The following PLPPR1 variants were observed in gnomAD, a reference collection of about 807,000 sequenced individuals.
PLPPR1 encodes phospholipid phosphatase-related protein type 1.
A neutral mutation model predicts 33.1 loss-of-function variants in PLPPR1; 10 were observed. The observed-to-expected ratio is 0.30, with a 90% CI of 0.19 to 0.51. PLPPR1 has a LOEUF of 0.51. Among genes scored for constraint, PLPPR1 ranks in the 20% least tolerant of loss-of-function variants. The probability of loss-of-function intolerance (pLI) is 0.97; values close to 1 mark genes in which losing one functional copy is unlikely to be tolerated. For synonymous variants in PLPPR1, 151 were observed against 151.0 expected (o/e 1.00, Z 0.00); for missense variants, 304 against 408.1 (o/e 0.74, Z 2.20).
chr9:101,294,705 A>C (rs1007363414), intron 4 of PLPPR1, among the ~76,000 whole-genome samples: 8 of 152,344 alleles, frequency 5.3e-5, no homozygotes, highest in African/African-American at 1.9e-4. Flanking sequence ...CAAAAACCAC[A>C]TGATTATCTC....
chr9:101,072,620 G>A (rs1830494147), intron 1 of PLPPR1, among the ~76,000 whole-genome samples: 1 of 152,154 alleles, frequency 6.6e-6, no homozygotes, highest in African/African-American at 2.4e-5. Flanking sequence ...TGGGCAAGTG[G>A]AATTGGCAGT....
chr9:101,277,031 C>A (rs1445026143), intron 3 of PLPPR1, among the ~76,000 whole-genome samples: 1 of 152,144 alleles, frequency 6.6e-6, no homozygotes, highest in Non-Finnish European at 1.5e-5. Context: ...CAGCACTCAT[C>A]AGGAAAGATT....
chr9:101,190,410 G>A (rs1826276725), intron 2 of PLPPR1, among the ~76,000 whole-genome samples: 1 of 152,072 alleles, frequency 6.6e-6, no homozygotes, highest in South Asian at 2.1e-4. Context: ...ATCTCACTAA[G>A]TTCTTCATAG....
intron 1 of PLPPR1, among the ~76,000 whole-genome samples, chr9:101,181,923 G>GTA (rs968953349): frequency 1.8e-4 from 27 of 147,660 alleles, no homozygotes; most frequent in Admixed American, 6.8e-4. Context: ...GTGTGTATGT[G>GTA]TATATATATA....
Position 101,127,766 on chromosome 9 carries a change from A to AG in PLPPR1, c.-45-57683dup, listed in dbSNP as rs1659382196. On this transcript the variant is annotated intron_variant, in intron 1 of 7. Transcript: ENST00000374874. The stretch of plus-strand genomic sequence containing the variant: ...TGTTCCAAAGGCCATGGGGGGTTTT[A>AG]GACCCTGGATCCTGGACATGTTCCA... Among the ~76,000 whole-genome samples the AG allele has an allele frequency of 2.6e-5, 4 of 152,186 alleles. No individual in the cohort carries two copies. The South Asian group carries it at 8.3e-4, about 32-fold the overall frequency.
intron 1 of PLPPR1, among the ~76,000 whole-genome samples, chr9:101,128,707 A>G (rs1449681242): frequency 1.3e-5 from 2 of 152,208 alleles, no homozygotes; most frequent in South Asian, 2.1e-4. Context: ...AGGGTTGACA[A>G]CTTCTCTGGT....
intron 2 of PLPPR1, among the ~76,000 whole-genome samples, chr9:101,230,966 G>A (rs1172191305): frequency 6.6e-6 from 1 of 151,844 alleles, no homozygotes; most frequent in African/African-American, 2.4e-5. Context: ...AAAAAGGAAG[G>A]AATCTAGCTG....
chr9:101,077,446 C>A (rs1440208548), intron 1 of PLPPR1, among the ~76,000 whole-genome samples: 1 of 152,156 alleles, frequency 6.6e-6, no homozygotes. Flanking sequence ...ACATATGCAG[C>A]CACATTAGTG....
intron 2 of PLPPR1, among the ~76,000 whole-genome samples, chr9:101,205,825 T>C (rs1411406788): frequency 6.6e-6 from 1 of 152,234 alleles, no homozygotes; most frequent in Non-Finnish European, 1.5e-5. Flanking sequence ...GTCCTGTACT[T>C]ACAGGCTTGT....
chr9:101,264,719 G>A (rs557909599), intron 2 of PLPPR1, among the ~76,000 whole-genome samples: 1 of 152,276 alleles, frequency 6.6e-6, no homozygotes, highest in Admixed American at 6.5e-5. Flanking sequence ...CTTCTTTGGG[G>A]ACAGATATAT....
chr9:101,116,574 G>A (rs1831120581), intron 1 of PLPPR1, among the ~76,000 whole-genome samples: 1 of 152,080 alleles, frequency 6.6e-6, no homozygotes, highest in African/African-American at 2.4e-5. Flanking sequence ...CAGGACTTTG[G>A]GAGGCCAAGG....
chr9:101,120,633 A>C (rs1427023527), intron 1 of PLPPR1, among the ~76,000 whole-genome samples: 2 of 152,192 alleles, frequency 1.3e-5, no homozygotes, highest in East Asian at 3.8e-4. Context: ...CCATTTCTTC[A>C]GCTAAACAAT....
chr9:101,318,926 C>A (rs1829104229), intron 7 of PLPPR1, among the ~76,000 whole-genome samples: 1 of 152,128 alleles, frequency 6.6e-6, no homozygotes, highest in African/African-American at 2.4e-5. Context: ...TTTTCATTAG[C>A]ATGTCATCTT....
chr9:101,053,990 C>G (rs893911695), intron 1 of PLPPR1, among the ~76,000 whole-genome samples: 22 of 152,050 alleles, frequency 1.4e-4, no homozygotes, highest in African/African-American at 5.1e-4. Context: ...TTGAGACCAG[C>G]CTGGCCAACA....
At chr9:101,156,131 T>G (rs1473122344) in intron 1 of PLPPR1, among the ~76,000 whole-genome samples, 2 of 152,190 alleles carry the variant, frequency 1.3e-5, no homozygotes, top group Non-Finnish European at 2.9e-5. Flanking sequence ...GAATTCAGCA[T>G]ATATAATGGT....
chr9:101,209,712 A>G (rs1826655982), intron 2 of PLPPR1, among the ~76,000 whole-genome samples: 1 of 152,242 alleles, frequency 6.6e-6, no homozygotes, highest in Admixed American at 6.5e-5. Context: ...CATCAAATCA[A>G]TGTCAAGGAA....
intron 2 of PLPPR1, among the ~76,000 whole-genome samples, chr9:101,231,027 A>G (rs1827173023): frequency 6.6e-6 from 1 of 151,896 alleles, no homozygotes; most frequent in African/African-American, 2.4e-5. Flanking sequence ...ATGCATTGAT[A>G]TTTGTCCTCT....
intron 1 of PLPPR1, among the ~76,000 whole-genome samples, chr9:101,034,126 A>G (rs1829981857): frequency 1.3e-5 from 2 of 152,084 alleles, no homozygotes; most frequent in African/African-American, 4.8e-5. Flanking sequence ...GGCTGTAGGT[A>G]CAGTGAGAAG....
At chr9:101,211,363 A>G (rs1057126642) in intron 2 of PLPPR1, among the ~76,000 whole-genome samples, 3 of 152,176 alleles carry the variant, frequency 2.0e-5, no homozygotes, top group African/African-American at 7.2e-5. Flanking sequence ...CTGAATTCAC[A>G]TCTGAAAACA....
Sources: gnomAD v4.1 joint callset for allele counts (sites outside exome capture counted in the v4.1 genomes callset) on GRCh38, gnomAD v4.1.1 for gene constraint, MANE v1.5 for transcripts, NCBI Gene and HGNC (gene_info 2026-07-23, HGNC 2026-07-21) for gene names.